Variants in ARID4B observed in about 807,000 individuals in gnomAD.
The protein encoded by ARID4B is AT-rich interactive domain-containing protein 4B.
ARID4B carries 26 observed loss-of-function variants against 147.5 expected under a neutral mutation model. The observed-to-expected ratio is 0.18, with a 90% CI of 0.13 to 0.24. The LOEUF (loss-of-function observed/expected upper bound fraction) is 0.24, where lower values mean the gene tolerates loss of function less well. Among genes scored for constraint, ARID4B ranks in the 10% least tolerant of loss-of-function variants. The probability of loss-of-function intolerance (pLI) is 1.00; values close to 1 mark genes in which losing one functional copy is unlikely to be tolerated. For missense variants in ARID4B, 1,179 were observed against 1,511.5 expected (o/e 0.78, Z 3.65); for synonymous variants, 512 against 507.9 (o/e 1.01, Z -0.11).
intron 10 of ARID4B, among the ~76,000 whole-genome samples, 174 bp from the exon 11 acceptor site, chr1:235,229,559 C>G (rs1182467472): frequency 6.6e-6 from 1 of 152,190 alleles, no homozygotes; most frequent in African/African-American, 2.4e-5. Context: ...TATATTTAAT[C>G]CTATCCATCC....
intron 21 of ARID4B, chr1:235,176,960 T>G (rs1262540356): frequency 1.1e-5 from 5 of 470,954 alleles, no homozygotes; most frequent in African/African-American, 2.0e-5. Context: ...AAAAGAGAGA[T>G]AAAATGTGCA....
intron 2 of ARID4B, among the ~76,000 whole-genome samples, chr1:235,269,412 T>C (rs903997164): frequency 1.3e-5 from 2 of 152,166 alleles, no homozygotes; most frequent in African/African-American, 2.4e-5. Context: ...TTTTGCACTG[T>C]AATATCAAAA....
chr1:235,223,382 T>TATATATACACGTGTATATATATATATAC (rs71172272), intron 12 of ARID4B, 122 bp from the exon 13 acceptor site: 7 of 214,214 alleles, frequency 3.3e-5, no homozygotes, highest in Admixed American at 1.3e-4. Flanking sequence ...TATATATATA[T>TATATATACACGTGTATATATATATATAC]ACACGTATAT....
chr1:235,305,026 A>G (rs1156893571), intron 2 of ARID4B, among the ~76,000 whole-genome samples: 1 of 152,214 alleles, frequency 6.6e-6, no homozygotes, highest in African/African-American at 2.4e-5. Context: ...TCAAGGGGAA[A>G]TTTAAAGCTG....
In ARID4B at chr1:235,255,265, A is replaced by AGATAGATCTATCTATCTATCTATC. The variant is rs1239708915; in HGVS notation, c.274+394_274+395insGATAGATAGATAGATAGATCTATC. 3.9e-4 allele frequency among the ~76,000 whole-genome samples: 25 copies of AGATAGATCTATCTATCTATCTATC among 64,586 alleles called. 1 individual carries two copies. The highest frequency in any genetic ancestry group is 1.7e-3 in the African/African-American group (25 of 14,430). The allele number at this position is 64,586 out of a possible 152,430, so 42.4% of individuals were successfully genotyped here. ...TAGATAGATAGATAGATAGATAGAT[A>AGATAGATCTATCTATCTATCTATC]TATATCTCTCTCTCTCTCTCTCTAT... On this transcript the variant is annotated intron_variant, in intron 5 of 23. Coordinates refer to ENST00000264183, the MANE Select transcript of ARID4B (RefSeq NM_016374.6).
At chr1:235,230,594 T>TTAA (rs1491526188) in intron 10 of ARID4B, among the ~76,000 whole-genome samples, 24 of 58,412 alleles carry the variant, frequency 4.1e-4, no homozygotes, top group Non-Finnish European at 6.8e-4. Flanking sequence ...GACTATAAGC[T>TTAA]AAAAAAAAAA....
Position 235,260,390 on chromosome 1 carries a change from C to G in ARID4B, c.117+252G>C, listed in dbSNP as rs543990202. 2.0e-5 allele frequency among the ~76,000 whole-genome samples: 3 copies of G among 152,258 alleles called. No homozygotes were observed. In the South Asian group the frequency reaches 6.2e-4, roughly 32 times the overall value. ...AACTAGATGACTTCTAACTTCCTTT[C>G]CAGCTCTAAAACACTATACAAACAA... On this transcript the variant is annotated intron_variant, in intron 3 of 23. Coordinates refer to ENST00000264183, the MANE Select transcript of ARID4B (RefSeq NM_016374.6).
chr1:235,200,003 G>GAA (rs61519256), intron 17 of ARID4B, among the ~76,000 whole-genome samples: 42 of 124,530 alleles, frequency 3.4e-4, no homozygotes, highest in African/African-American at 6.2e-4. Context: ...AAAGAATAGG[G>GAA]AAAAAAAAAA....
At chr1:235,318,571 T>C (rs981586693) in intron 2 of ARID4B, among the ~76,000 whole-genome samples, 5 of 152,100 alleles carry the variant, frequency 3.3e-5, no homozygotes, top group African/African-American at 1.2e-4. Flanking sequence ...ATGCCCAGAA[T>C]ACGCAAATCC....
intron 2 of ARID4B, among the ~76,000 whole-genome samples, chr1:235,284,910 ATT>A (rs1243615836): frequency 8.3e-6 from 1 of 120,316 alleles, no homozygotes; most frequent in African/African-American, 2.7e-5. Context: ...ATATATATAT[ATT>A]TTTTTTTTGG....
intron 5 of ARID4B, among the ~76,000 whole-genome samples, chr1:235,255,254 GAT>G (rs1669888705): frequency 1.1e-5 from 1 of 93,836 alleles, no homozygotes; most frequent in African/African-American, 3.3e-5. Context: ...TAGATAGATA[GAT>G]AGATAGATAT....
intron 6 of ARID4B, among the ~76,000 whole-genome samples, chr1:235,248,914 G>A (rs907525596): frequency 2.6e-5 from 4 of 152,182 alleles, no homozygotes; most frequent in Admixed American, 6.5e-5. Context: ...AGAAAACTCC[G>A]TAGGCCTAGA....
At chr1:235,221,544 A>C (rs369632988) in intron 14 of ARID4B, 21 bp downstream of exon 14, 1 of 1,335,236 alleles carries the variant, frequency 7.5e-7, no homozygotes, top group Non-Finnish European at 1.1e-6. Context: ...GAAGATAATC[A>C]TATCAATTAT....
intron 5 of ARID4B, among the ~76,000 whole-genome samples, chr1:235,253,296 TTC>T (rs1412785235): frequency 6.6e-6 from 1 of 152,142 alleles, no homozygotes; most frequent in East Asian, 1.9e-4. Flanking sequence ...CACCAGAAAA[TTC>T]TCTGTTGTGG....
intron 2 of ARID4B, among the ~76,000 whole-genome samples, chr1:235,306,036 TATC>T (rs1452540626): frequency 2.0e-5 from 3 of 152,164 alleles, no homozygotes; most frequent in Non-Finnish European, 4.4e-5. Context: ...GTGGCAAAAT[TATC>T]ATATGATAAT....
intron 17 of ARID4B, among the ~76,000 whole-genome samples, chr1:235,210,718 G>A (rs1246091191): frequency 1.3e-5 from 2 of 152,104 alleles, no homozygotes; most frequent in African/African-American, 2.4e-5. Context: ...TAGCATACAA[G>A]CACTTGAGTT....
At chr1:235,319,042 T>C (rs530307856) in intron 2 of ARID4B, among the ~76,000 whole-genome samples, 10 of 152,262 alleles carry the variant, frequency 6.6e-5, no homozygotes, top group Middle Eastern at 3.4e-3. Context: ...AAGTCTCAGC[T>C]ACTCAGGAAG....
In ARID4B at chr1:235,182,506, T is replaced by C; in HGVS notation, c.2413A>G (p.Lys805Glu). The change falls in exon 20 of 24, where the codon AAG (lysine) becomes GAG (glutamate). Residue 805 changes from lysine to glutamate, a missense_variant. Around this residue, in one of 10 missense-constraint regions of ARID4B, gnomAD observed 321 missense variants for 342.4 expected, o/e 0.94. Coordinates refer to ENST00000264183, the MANE Select transcript of ARID4B (RefSeq NM_016374.6). ...YEEDEVTKKR[K>E]DVKKDTTDKS... ...TCTGTTGTGTCCTTCTTGACATCCT[T>C]TCTCTTTTTTGTGACTTCATCTTCT... The C allele has an allele frequency of 1.2e-6, 2 of 1,613,304 alleles. No individual in the cohort carries two copies. Among genetic ancestry groups the C allele is most frequent in the Non-Finnish European group, 8.5e-7 (1 of 1,179,838 alleles).
At chr1:235,242,992 C>A (rs985026900) in intron 7 of ARID4B, among the ~76,000 whole-genome samples, 6 of 151,770 alleles carry the variant, frequency 4.0e-5, no homozygotes, top group Non-Finnish European at 5.9e-5. Context: ...TATGTTTATT[C>A]TTTTTTTTCA....
Sources: gnomAD v4.1 joint callset for allele counts (sites outside exome capture counted in the v4.1 genomes callset) on GRCh38, gnomAD v4.1.1 for gene constraint, gnomAD v4.1.1 regional missense constraint, MANE v1.5 for transcripts, NCBI Gene and HGNC (gene_info 2026-07-23, HGNC 2026-07-21) for gene names.